The following NOL9 variants were observed in gnomAD, a reference collection of about 807,000 sequenced individuals.
The protein encoded by NOL9 is polynucleotide 5'-hydroxyl-kinase NOL9.
In NOL9, 28 loss-of-function variants were observed where a neutral mutation model predicts 67.9. The observed-to-expected ratio is 0.41, with a 90% CI of 0.31 to 0.57. The LOEUF is 0.57. Among genes scored for constraint, NOL9 ranks in the 20% least tolerant of loss-of-function variants. NOL9 has a pLI of 0.25. For missense variants in NOL9, 777 were observed against 897.0 expected, an observed-to-expected ratio of 0.87 and a Z score of 1.71; for synonymous variants, 356 against 352.2, an observed-to-expected ratio of 1.01 and a Z score of -0.12.
Position 6,554,255 on chromosome 1 carries a change from G to C in NOL9, c.248C>G (p.Pro83Arg). Residue 83 changes from proline (P) to arginine (R), a missense_variant, in exon 1 of 12, where the codon CCC becomes CGC. Physicochemically the swap from Pro to Arg is moderately radical, Grantham distance 103 (BLOSUM62 -2). Coordinates refer to ENST00000377705, the MANE Select transcript of NOL9 (RefSeq NM_024654.5). ...AAARRPNTAT[P>R]SPIPSPTPAS... is the part of the protein sequence containing the mutation. ...CGGGGTCGGGCTAGGGATCGGGCTG[G>C]GGGTCGCGGTGTTGGGTCTCCGGGC... The C allele has an allele frequency of 2.0e-6, 3 of 1,492,114 alleles. No individual in the cohort carries two copies. Among genetic ancestry groups the C allele is most frequent in the East Asian group, 2.9e-5 (1 of 34,904 alleles). 92.4% of individuals were successfully genotyped at this position (1,492,114 alleles called of 1,614,324 possible).
chr1:6,554,336 T>C lies in NOL9; in HGVS notation c.167A>G (p.Gln56Arg), dbSNP rs568946995. 172 of 1,460,344 alleles carry C rather than the reference T, an allele frequency of 1.2e-4. No homozygotes were observed. The African/African-American group carries it at 2.2e-3, about 19-fold the overall frequency. 90.5% of individuals were successfully genotyped at this position (1,460,344 alleles called of 1,614,324 possible). A position where few individuals can be genotyped will look rare whatever the true frequency, so the allele number is the denominator to read the frequency against. The change falls in exon 1 of 12, where the codon CAG (glutamine) becomes CGG (arginine). Residue 56 changes from glutamine to arginine, a missense_variant. This residue lies in a region of NOL9 where 364 missense variants were observed against 344.4 expected (regional missense o/e 1.06). Transcript: ENST00000377705. ...CTCCCTCCAGTCCACGCCGGACGCC[T>C]GGGCTTGCAGTAACCGCCACCGTAG... ...RRLRWRLLQA[Q>R]ASGVDWREGA...
intron 6 of NOL9, among the ~76,000 whole-genome samples, chr1:6,534,954 C>T (rs545043226): frequency 5.3e-5 from 8 of 152,160 alleles, no homozygotes; most frequent in African/African-American, 7.2e-5. Context: ...CAGGCACTCG[C>T]CACCACACCT....
chr1:6,528,953 T>C (rs745403333), intron 10 of NOL9, 41 bp downstream of exon 10: 1 of 1,597,190 alleles, frequency 6.3e-7, no homozygotes, highest in African/African-American at 1.3e-5. Context: ...CAGTGGATCC[T>C]TTTCAGTAGG....
intron 3 of NOL9, chr1:6,548,337 G>C (rs143075565): frequency 6.1e-6 from 1 of 163,758 alleles, no homozygotes; most frequent in African/African-American, 2.4e-5. Flanking sequence ...AGTAGAGATG[G>C]GGTTTTGCCA....
At chr1:6,537,781 C>T (rs971720920) in intron 6 of NOL9, among the ~76,000 whole-genome samples, 1 of 151,992 alleles carries the variant, frequency 6.6e-6, no homozygotes, top group Non-Finnish European at 1.5e-5. Flanking sequence ...CAATTCCTTA[C>T]ACTATATGAA....
chr1:6,542,221 C>T (rs1029506473), intron 5 of NOL9, among the ~76,000 whole-genome samples: 6 of 150,110 alleles, frequency 4.0e-5, no homozygotes, highest in African/African-American at 1.5e-4. Context: ...GGCTGCAGTG[C>T]ACAATCTCGG....
chr1:6,552,904 C>T (rs557018032), intron 1 of NOL9, among the ~76,000 whole-genome samples: 2 of 152,130 alleles, frequency 1.3e-5, no homozygotes, highest in East Asian at 1.9e-4. Flanking sequence ...CTCCAGCTCC[C>T]GGGTTCAAGC....
intron 1 of NOL9, 40 bp from the exon 2 acceptor site, chr1:6,550,655 G>A (rs1639525759): frequency 1.6e-6 from 2 of 1,248,830 alleles, no homozygotes; most frequent in African/African-American, 1.5e-5. Context: ...TATAGATCAT[G>A]TCACTAATGA....
Position 6,523,745 on chromosome 1 carries a change from A to AGCT in NOL9, c.*2106_*2108dup, listed in dbSNP as rs1638819901. The AGCT allele has an allele frequency of 1.3e-5, 2 of 152,246 alleles. No homozygotes were observed. The highest frequency in any genetic ancestry group is 1.3e-4 in the Admixed American group (2 of 15,268). 9.4% of individuals were successfully genotyped at this position (152,246 alleles called of 1,614,324 possible). On this transcript the variant is annotated 3_prime_UTR_variant, in exon 12 of 12. Transcript: ENST00000377705. ...GAACCTCCTTCCCTAAACCCTGTAC[A>AGCT]GCTTCCTGGGCCAACTCTAGCCCCA...
At chr1:6,547,849 T>C (rs1369859411) in intron 3 of NOL9, 1 of 159,220 alleles carries the variant, frequency 6.3e-6, no homozygotes, top group Non-Finnish European at 1.4e-5. Context: ...AGACTTTATC[T>C]CAAAAATAAA....
At position 6,554,445 on chromosome 1, in the gene NOL9, C is replaced by A; in HGVS notation, c.58G>T (p.Val20Phe). The A allele has an allele frequency of 2.6e-6, 4 of 1,551,506 alleles. No individual in the cohort carries two copies. Among genetic ancestry groups the A allele is most frequent in the Non-Finnish European group, 3.4e-6 (4 of 1,160,862 alleles). Reference protein sequence around the residue: ...RGSCRSTWLRVRKARPQLILS... With the variant: ...RGSCRSTWLRFRKARPQLILS... ...ATGAGCTGGGGCCGGGCCTTGCGGA[C>A]CCGCAGCCAAGTGGAACGGCAGGAA... is the stretch of plus-strand genomic sequence containing the variant. The change falls in exon 1 of 12, where the codon GTC (valine) becomes TTC (phenylalanine). Residue 20 changes from valine to phenylalanine, a missense_variant. By Grantham distance (50) the Val-to-Phe change is conservative. Coordinates refer to ENST00000377705, the MANE Select transcript of NOL9 (RefSeq NM_024654.5).
At chr1:6,548,645 A>G in intron 3 of NOL9, 1 of 312,662 alleles carries the variant, frequency 3.2e-6, no homozygotes, top group Non-Finnish European at 6.4e-6. Context: ...TTTTTGACTA[A>G]TAAAAATTAA....
At chr1:6,527,827 A>T (rs2004222) in intron 10 of NOL9, among the ~76,000 whole-genome samples, 1 of 152,134 alleles carries the variant, frequency 6.6e-6, no homozygotes, top group Middle Eastern at 3.4e-3. Flanking sequence ...GCTACTCAGG[A>T]GGCTGAGACA....
intron 1 of NOL9, 144 bp from the exon 2 acceptor site, chr1:6,550,759 C>G: frequency 1.6e-6 from 1 of 606,506 alleles, no homozygotes; most frequent in Non-Finnish European, 2.8e-6. Context: ...TCTCGGCTCA[C>G]CGCAACCTCC....
At position 6,522,045 on chromosome 1, in the gene NOL9, C is replaced by A. The variant is rs559092466; in HGVS notation, c.*3809G>T. The A allele has an allele frequency of 1.3e-5, 2 of 152,336 alleles. No individual in the cohort carries two copies. Among genetic ancestry groups the A allele is most frequent in the East Asian group, 3.9e-4 (2 of 5,186 alleles). The allele number at this position is 152,336 out of a possible 1,614,324, so 9.4% of individuals were successfully genotyped here. ...CTTATCCATGATCTTGCCATCCAAA[C>A]CCAAAAACAAATGACCTAGGCCGGG... On this transcript the variant is annotated 3_prime_UTR_variant, in exon 12 of 12. Transcript: ENST00000377705.
Position 6,543,436 on chromosome 1 carries a change from C to A in NOL9, c.977+1390G>T, listed in dbSNP as rs942090903. ...GGTCTCGATCTCCTGACCTCGTGAT[C>A]TGCCCGCCTCAGCATCCCAAAGGCT... On this transcript the variant is annotated intron_variant, in intron 5 of 11. Transcript: ENST00000377705. Among the ~76,000 whole-genome samples, 6 of 152,194 alleles carry A rather than the reference C, an allele frequency of 3.9e-5. No homozygotes were observed. The East Asian group carries it at 1.2e-3, about 30-fold the overall frequency.
Position 6,532,676 on chromosome 1 carries a change from T to C in NOL9, c.1322A>G (p.Tyr441Cys), listed in dbSNP as rs1216766709. ...VVQFRSDHSK[Y>C]MPDLTPQYVD... Reference sequence around the variant, plus strand: ...ATACTGCGGGGTAAGGTCTGGCATATATTTACTGTGGTCAGAGCGGAACTG... The same window carrying C: ...ATACTGCGGGGTAAGGTCTGGCATACATTTACTGTGGTCAGAGCGGAACTG... Residue 441 changes from tyrosine (Y) to cysteine (C), a missense_variant, in exon 8 of 12, where the codon TAT (tyrosine) becomes TGT (cysteine). Coordinates refer to ENST00000377705, the MANE Select transcript of NOL9 (RefSeq NM_024654.5). 2.5e-6 allele frequency: 4 copies of C among 1,614,050 alleles called. No individual in the cohort carries two copies. Among genetic ancestry groups the C allele is most frequent in the Admixed American group, 1.7e-5 (1 of 59,998 alleles).
At chr1:6,536,171 C>T (rs1639151274) in intron 6 of NOL9, among the ~76,000 whole-genome samples, 1 of 100,456 alleles carries the variant, frequency 1.0e-5, no homozygotes, top group Non-Finnish European at 2.2e-5. Context: ...GTGGTGAAAC[C>T]CCATCTCTAC....
rs1236566300 is a variant in NOL9 at position 6,554,433 on chromosome 1, G to A, written c.70C>T (p.Arg24Trp). ...CGGCGGCTGAGGATGAGCTGGGGCC[G>A]GGCCTTGCGGACCCGCAGCCAAGTG... is the stretch of plus-strand genomic sequence containing the variant. The part of the protein sequence containing the change: ...RSTWLRVRKA[R>W]PQLILSRRPR... The change falls in exon 1 of 12, where the codon CGG (arginine) becomes TGG (tryptophan). Residue 24 changes from arginine (R) to tryptophan (W), a missense_variant. Arg to Trp is a moderately radical substitution (Grantham distance 101, BLOSUM62 -3). Transcript: ENST00000377705. 3 of 1,548,714 alleles carry A rather than the reference G, an allele frequency of 1.9e-6. No homozygotes were observed. Among genetic ancestry groups the A allele is most frequent in the Non-Finnish European group, 2.6e-6 (3 of 1,159,596 alleles).
Sources: gnomAD v4.1 joint callset for allele counts (sites outside exome capture counted in the v4.1 genomes callset) on GRCh38, gnomAD v4.1.1 for gene constraint, gnomAD v4.1.1 regional missense constraint, MANE v1.5 for transcripts, NCBI Gene and HGNC (gene_info 2026-07-23, HGNC 2026-07-21) for gene names.